DRC11: variants seen among roughly 807,000 people sequenced by gnomAD.
DRC11 encodes the protein dynein regulatory complex subunit 11.
chr2:236,338,511 C>A, the DRC11 span: 1 of 848,312 alleles, frequency 1.2e-6, no homozygotes, highest in East Asian at 2.6e-5. Flanking sequence ...AACACAATTT[C>A]TTAAGGTTTG....
chr2:236,500,159 G>C, the DRC11 span, among the ~76,000 whole-genome samples: 1 of 152,136 alleles, frequency 6.6e-6, no homozygotes, highest in South Asian at 2.1e-4. The surrounding 1 kb of genome is among the most constrained non-coding windows in gnomAD (Gnocchi z 6.3). Context: ...GTCAGTCACT[G>C]TCCTAAGTGG....
At chr2:236,439,216 A>G in the DRC11 span, among the ~76,000 whole-genome samples, 1 of 151,824 alleles carries the variant, frequency 6.6e-6, no homozygotes, top group African/African-American at 2.4e-5. Flanking sequence ...AATAACTAAA[A>G]TCAGAGCAGA....
chr2:236,492,047 T>C, the DRC11 span, among the ~76,000 whole-genome samples: 8 of 152,226 alleles, frequency 5.3e-5, no homozygotes, highest in Non-Finnish European at 1.0e-4. Flanking sequence ...TCTCTTACTA[T>C]GTGATTCCTT....
chr2:236,331,814 T>C, the DRC11 span: 2 of 541,788 alleles, frequency 3.7e-6, no homozygotes, highest in African/African-American at 3.8e-5. The surrounding 1 kb of genome is among the most constrained non-coding windows in gnomAD (Gnocchi z 4.8). Flanking sequence ...CCCTGAGGTC[T>C]ATAGATCCAC....
chr2:236,493,086 C>T, the DRC11 span, among the ~76,000 whole-genome samples: 62 of 152,178 alleles, frequency 4.1e-4, no homozygotes, highest in Non-Finnish European at 8.8e-4. Context: ...TTCCATGTGG[C>T]TAGGGAGGCC....
chr2:236,333,355 C>G, the DRC11 span: 7 of 152,770 alleles, frequency 4.6e-5, no homozygotes, highest in Admixed American at 3.3e-4. This position sits in a 1 kb window ranked among gnomAD's most constrained non-coding sequence, Gnocchi z 6.0. Flanking sequence ...ATAACTGTTG[C>G]AGAGTTAGAG....
the DRC11 span, among the ~76,000 whole-genome samples, chr2:236,349,527 A>G: frequency 1.3e-5 from 2 of 152,232 alleles, no homozygotes; most frequent in African/African-American, 4.8e-5. The surrounding 1 kb of genome is among the most constrained non-coding windows in gnomAD (Gnocchi z 5.5). Context: ...ACCATGGAAC[A>G]CTATGCCGCC....
chr2:236,403,889 C>G, the DRC11 span, among the ~76,000 whole-genome samples: 2 of 152,062 alleles, frequency 1.3e-5, no homozygotes, highest in Non-Finnish European at 2.9e-5. Flanking sequence ...TGCAACACAC[C>G]ACAGCCCCTC....
chr2:236,371,690 C>T, the DRC11 span, among the ~76,000 whole-genome samples: 1 of 152,160 alleles, frequency 6.6e-6, no homozygotes, highest in Non-Finnish European at 1.5e-5. The surrounding 1 kb of genome is among the most constrained non-coding windows in gnomAD (Gnocchi z 5.1). Flanking sequence ...TTTTGATTGT[C>T]AGTAGGTCAT....
At chr2:236,482,239 CA>C in the DRC11 span, among the ~76,000 whole-genome samples, 1 of 151,956 alleles carries the variant, frequency 6.6e-6, no homozygotes. This position sits in a 1 kb window ranked among gnomAD's most constrained non-coding sequence, Gnocchi z 4.5. Context: ...CATATCACTA[CA>C]TTATACAGGG....
chr2:236,486,670 T>C, the DRC11 span, among the ~76,000 whole-genome samples: 649 of 152,286 alleles, frequency 4.3e-3, 7 homozygotes, highest in African/African-American at 0.015. This position sits in a 1 kb window ranked among gnomAD's most constrained non-coding sequence, Gnocchi z 5.7. Context: ...TCTCTTCAGA[T>C]CTCCCTGGGC....
chr2:236,306,884 A>G, the DRC11 span, among the ~76,000 whole-genome samples: 1 of 152,298 alleles, frequency 6.6e-6, no homozygotes, highest in Non-Finnish European at 1.5e-5. The surrounding 1 kb of genome is among the most constrained non-coding windows in gnomAD (Gnocchi z 5.9). Flanking sequence ...TGCTAATATT[A>G]TCCTGTGTGT....
the DRC11 span, chr2:236,380,712 CGTT>C: frequency 5.3e-6 from 6 of 1,122,728 alleles, no homozygotes; most frequent in South Asian, 8.0e-5. This position sits in a 1 kb window ranked among gnomAD's most constrained non-coding sequence, Gnocchi z 4.9. Flanking sequence ...TAGCTAAGCA[CGTT>C]GTTTTCTGGG....
At chr2:236,437,352 T>C in the DRC11 span, among the ~76,000 whole-genome samples, 1 of 146,722 alleles carries the variant, frequency 6.8e-6, no homozygotes, top group African/African-American at 2.6e-5. Flanking sequence ...TGTTGGACAT[T>C]TGGGTTGGTT....
At chr2:236,485,778 G>A in the DRC11 span, among the ~76,000 whole-genome samples, 1 of 152,220 alleles carries the variant, frequency 6.6e-6, no homozygotes, top group Admixed American at 6.5e-5. Flanking sequence ...TTCAATGAAA[G>A]AGAATGGGCT....
the DRC11 span, among the ~76,000 whole-genome samples, chr2:236,430,046 G>C: frequency 2.0e-5 from 3 of 152,128 alleles, no homozygotes; most frequent in Non-Finnish European, 2.9e-5. This position sits in a 1 kb window ranked among gnomAD's most constrained non-coding sequence, Gnocchi z 6.0. Context: ...CCTCAGCAGG[G>C]GTCTGCTGGA....
chr2:236,468,709 T>C, the DRC11 span, among the ~76,000 whole-genome samples: 13 of 152,356 alleles, frequency 8.5e-5, no homozygotes, highest in South Asian at 2.7e-3. Flanking sequence ...TAAATTCATA[T>C]AGAGACTTTA....
chr2:236,403,250 G>T, the DRC11 span, among the ~76,000 whole-genome samples: 1 of 152,116 alleles, frequency 6.6e-6, no homozygotes, highest in Non-Finnish European at 1.5e-5. Context: ...ATGGCTGAAG[G>T]AGGTTCGGCA....
the DRC11 span, among the ~76,000 whole-genome samples, chr2:236,459,653 GTA>G: frequency 1.6e-5 from 2 of 123,332 alleles, no homozygotes; most frequent in African/African-American, 3.0e-5. Flanking sequence ...ACGTATATAT[GTA>G]TATACATACG....
Sources: gnomAD v4.1 joint callset for allele counts (sites outside exome capture counted in the v4.1 genomes callset) on GRCh38, gnomAD v4.1.1 for gene constraint, Gnocchi (gnomAD v3.1) non-coding constraint, MANE v1.5 for transcripts, NCBI Gene and HGNC (gene_info 2026-07-23, HGNC 2026-07-21) for gene names.